Variants in RXRA observed in about 807,000 individuals in gnomAD.
RXRA encodes retinoic acid receptor RXR-alpha.
In RXRA, 5 loss-of-function variants were observed where a neutral mutation model predicts 44.5. The ratio of observed to expected loss-of-function variants is 0.11; its 90% CI spans 0.06 to 0.24. The LOEUF (loss-of-function observed/expected upper bound fraction) is 0.24. Among genes scored for constraint, RXRA ranks in the 10% least tolerant of loss-of-function variants. The pLI is 1.00. For missense variants in RXRA, 412 were observed against 646.5 expected, an observed-to-expected ratio of 0.64 and a Z score of 3.93; for synonymous variants, 291 against 271.4, an observed-to-expected ratio of 1.07 and a Z score of -0.71.
At chr9:134,424,995 T>TC in intron 6 of RXRA, 1 of 985,426 alleles carries the variant, frequency 1.0e-6, no homozygotes, top group Non-Finnish European at 1.2e-6. Flanking sequence ...GGAGGTCACT[T>TC]CCGCTGGGCG....
intron 4 of RXRA, among the ~76,000 whole-genome samples, chr9:134,410,849 C>A (rs894187973): frequency 6.6e-6 from 1 of 152,200 alleles, no homozygotes; most frequent in Admixed American, 6.5e-5. Flanking sequence ...CAGATGAGAG[C>A]GCTGTGCATG....
At chr9:134,430,125 A>T (rs1831508371) in intron 7 of RXRA, among the ~76,000 whole-genome samples, 1 of 152,098 alleles carries the variant, frequency 6.6e-6, no homozygotes, top group African/African-American at 2.4e-5. Context: ...TGACCTCGTG[A>T]TCCGCCCACC....
intron 6 of RXRA, chr9:134,422,091 C>T (rs1831346138): frequency 5.8e-6 from 8 of 1,370,870 alleles, no homozygotes; most frequent in Non-Finnish European, 7.7e-6. Context: ...CCAGGACACT[C>T]CCGACTCCTG....
intron 1 of RXRA, among the ~76,000 whole-genome samples, chr9:134,400,705 G>T (rs1383464794): frequency 1.3e-5 from 2 of 152,226 alleles, no homozygotes; most frequent in Non-Finnish European, 2.9e-5. Context: ...ACCTCCTGAA[G>T]TGTGGTTGGG....
At chr9:134,416,571 G>A (rs1831238355) in intron 4 of RXRA, among the ~76,000 whole-genome samples, 1 of 152,172 alleles carries the variant, frequency 6.6e-6, no homozygotes, top group African/African-American at 2.4e-5. Flanking sequence ...GCAGGGCCCA[G>A]TGTCCTTGGG....
chr9:134,423,250 C>T (rs1831378049), intron 6 of RXRA: 2 of 985,472 alleles, frequency 2.0e-6, no homozygotes, highest in Non-Finnish European at 2.4e-6. Flanking sequence ...TCTGCCCTCA[C>T]TGCCCGACGA....
intron 1 of RXRA, among the ~76,000 whole-genome samples, chr9:134,338,340 G>A (rs1234148795): frequency 6.6e-5 from 10 of 152,248 alleles, no homozygotes; most frequent in Admixed American, 5.9e-4. Flanking sequence ...AATGCCAGCT[G>A]TGGCGCTGAA....
chr9:134,409,887 C>T (rs576789682), intron 4 of RXRA, among the ~76,000 whole-genome samples: 2 of 152,038 alleles, frequency 1.3e-5, no homozygotes, highest in Non-Finnish European at 2.9e-5. Flanking sequence ...TTGGTCTGTC[C>T]CTGTCCCCCC....
intron 5 of RXRA, among the ~76,000 whole-genome samples, chr9:134,419,358 T>C (rs1176121966): frequency 1.3e-5 from 2 of 152,194 alleles, no homozygotes; most frequent in African/African-American, 4.8e-5. Context: ...GCCTGAAAGT[T>C]CAGGGAGTTT....
At chr9:134,380,830 G>T (rs1379494427) in intron 1 of RXRA, among the ~76,000 whole-genome samples, 1 of 152,184 alleles carries the variant, frequency 6.6e-6, no homozygotes, top group Non-Finnish European at 1.5e-5. Context: ...CCCGTCCTGA[G>T]GTAAGGGGCT....
intron 1 of RXRA, among the ~76,000 whole-genome samples, chr9:134,370,817 T>C (rs62576338): frequency 0.27 from 40,947 of 152,060 alleles, 5,704 homozygotes; most frequent in African/African-American, 0.33. Context: ...TTGGAGGTGG[T>C]GTGGACATGA....
At chr9:134,380,135 C>T in intron 1 of RXRA, 1 of 985,472 alleles carries the variant, frequency 1.0e-6, no homozygotes, top group Non-Finnish European at 1.2e-6. Flanking sequence ...TTGGCACTGC[C>T]ACCGTCCACC....
chr9:134,421,318 C>T (rs1347579882), intron 5 of RXRA, among the ~76,000 whole-genome samples: 1 of 152,166 alleles, frequency 6.6e-6, no homozygotes, highest in Non-Finnish European at 1.5e-5. Context: ...GTGGCCTCTT[C>T]CTCCACCTTC....
In RXRA at chr9:134,337,837, G is replaced by A. The variant is rs549129170; in HGVS notation, c.28+11178G>A. Reference sequence around the variant, plus strand: ...CGCCCAGAGACTCTTGGATGTCCTCGGAGCAGACGTAGAATGCAAAACTTG... The same window carrying A: ...CGCCCAGAGACTCTTGGATGTCCTCAGAGCAGACGTAGAATGCAAAACTTG... On this transcript the variant is annotated intron_variant, in intron 1 of 9. Coordinates refer to ENST00000481739, the MANE Select transcript of RXRA (RefSeq NM_002957.6). 2.6e-4 allele frequency among the ~76,000 whole-genome samples: 40 copies of A among 152,238 alleles called. No homozygotes were observed. In the Middle Eastern group the frequency reaches 0.01, roughly 39 times the overall value.
intron 7 of RXRA, among the ~76,000 whole-genome samples, chr9:134,429,765 G>A (rs973640491): frequency 6.6e-6 from 1 of 152,188 alleles, no homozygotes; most frequent in East Asian, 1.9e-4. Flanking sequence ...AGCACTGGCT[G>A]GAGGGCCCAC....
Position 134,393,096 on chromosome 9 carries a change from T to C in RXRA, c.29-8536T>C, listed in dbSNP as rs371491530. Among the ~76,000 whole-genome samples, 5 of 151,548 alleles carry C rather than the reference T, an allele frequency of 3.3e-5. No individual in the cohort carries two copies. The East Asian group carries it at 7.7e-4, about 23-fold the overall frequency. On this transcript the variant is annotated intron_variant, in intron 1 of 9. Transcript: ENST00000481739. ...GGAAGCGGGAAATGACAGTAGGGAA[T>C]TGACATTTCCTGAGCCAGCGTCTGG... is the stretch of plus-strand genomic sequence containing the variant.
In RXRA at chr9:134,408,322, G is replaced by T. The variant is rs751064238; in HGVS notation, c.430+23G>T. On this transcript the variant is annotated intron_variant, in intron 3 of 9. Coordinates refer to ENST00000481739, the MANE Select transcript of RXRA (RefSeq NM_002957.6). ...CAGGTACCGCTGCTGTGGGGGCCAG[G>T]GGCTGGTGGGACAGGGTTGTCAGGC... The T allele has an allele frequency of 3.2e-6, 5 of 1,584,366 alleles. No individual in the cohort carries two copies. The African/African-American group carries it at 6.8e-5, about 21-fold the overall frequency.
intron 4 of RXRA, among the ~76,000 whole-genome samples, chr9:134,416,657 G>A (rs969460383): frequency 2.1e-5 from 3 of 139,756 alleles, no homozygotes; most frequent in Non-Finnish European, 3.1e-5. Context: ...CCCGCCCCCC[G>A]CCGCAGGTTC....
intron 1 of RXRA, among the ~76,000 whole-genome samples, chr9:134,326,991 C>T (rs1315055306): frequency 2.0e-5 from 3 of 151,558 alleles, no homozygotes; most frequent in Non-Finnish European, 4.4e-5. Flanking sequence ...CACAGGAACC[C>T]GGCCGGAGCG....
Sources: allele counts gnomAD v4.1 joint callset (sites outside exome capture counted in the v4.1 genomes callset), GRCh38; gene constraint gnomAD v4.1.1; transcripts MANE v1.5; gene names NCBI Gene and HGNC (gene_info 2026-07-23, HGNC 2026-07-21).